The following CDH13 variants were observed in gnomAD, a reference collection of about 807,000 sequenced individuals.
The protein encoded by CDH13 is cadherin 13, also known as cadherin-13.
A neutral mutation model predicts 63.8 loss-of-function variants in CDH13; 24 were observed. That is an observed-to-expected ratio of 0.38 (90% CI 0.27 to 0.53). CDH13 has a LOEUF of 0.53. CDH13 is among the 20% of genes least tolerant of loss of function. The probability of loss-of-function intolerance (pLI) is 0.85; values close to 1 mark genes in which losing one functional copy is unlikely to be tolerated. For synonymous variants in CDH13, 503 were observed against 355.3 expected, an observed-to-expected ratio of 1.42 and a Z score of -4.67; for missense variants, 1,049 against 903.1, an observed-to-expected ratio of 1.16 and a Z score of -2.07.
At chr16:83,721,792 G>A (rs1909728079) in intron 10 of CDH13, 1 of 152,264 alleles carries the variant, frequency 6.6e-6, no homozygotes, top group African/African-American at 2.4e-5. Flanking sequence ...GGGCTAGCAG[G>A]ACTAGCAGGA....
intron 10 of CDH13, among the ~76,000 whole-genome samples, chr16:83,683,404 C>A (rs1240454305): frequency 2.0e-5 from 3 of 152,194 alleles, no homozygotes; most frequent in African/African-American, 7.2e-5. Context: ...AATCCCTTTT[C>A]CACAGCTTGG....
chr16:82,627,418 C>G (rs1451098658), intron 1 of CDH13, among the ~76,000 whole-genome samples: 2 of 147,356 alleles, frequency 1.4e-5, no homozygotes, highest in Admixed American at 6.8e-5. Flanking sequence ...GCTCCCAGTC[C>G]TTTTTTGCTA....
At chr16:83,466,817 A>G (rs1424929683) in intron 6 of CDH13, among the ~76,000 whole-genome samples, 3 of 152,212 alleles carry the variant, frequency 2.0e-5, no homozygotes, top group Non-Finnish European at 2.9e-5. Flanking sequence ...CCTTCACATC[A>G]TGTTAGCCCA....
At chr16:83,767,877 A>G (rs1241590191) in intron 11 of CDH13, among the ~76,000 whole-genome samples, 2 of 152,158 alleles carry the variant, frequency 1.3e-5, no homozygotes, top group African/African-American at 2.4e-5. Context: ...AATTGGCCCA[A>G]GGTTTATTTT....
At chr16:82,717,190 G>T (rs368739698) in intron 1 of CDH13, among the ~76,000 whole-genome samples, 2 of 151,970 alleles carry the variant, frequency 1.3e-5, no homozygotes, top group South Asian at 2.1e-4. Flanking sequence ...GCCCAACAAG[G>T]CTCCTGAACC....
intron 1 of CDH13, chr16:82,825,822 C>G (rs1567573682): frequency 1.3e-5 from 2 of 151,726 alleles, no homozygotes; most frequent in Non-Finnish European, 2.9e-5. Context: ...GCGAGGATTA[C>G]AGGCGCAAGC....
intron 7 of CDH13, among the ~76,000 whole-genome samples, chr16:83,545,691 T>A (rs1002854297): frequency 6.6e-6 from 1 of 152,202 alleles, no homozygotes; most frequent in African/African-American, 2.4e-5. Flanking sequence ...CTCCATACAG[T>A]TCCTCTCCCT....
chr16:82,749,140 G>T (rs2034306490), intron 1 of CDH13, among the ~76,000 whole-genome samples: 2 of 151,980 alleles, frequency 1.3e-5, no homozygotes, highest in Non-Finnish European at 2.9e-5. Context: ...GCCCGACAGA[G>T]CCAAGAAATG....
At chr16:83,653,372 G>A (rs1912570794) in intron 8 of CDH13, among the ~76,000 whole-genome samples, 1 of 152,040 alleles carries the variant, frequency 6.6e-6, no homozygotes, top group Non-Finnish European at 1.5e-5. Context: ...AAGACTATAG[G>A]GGATGTCACC....
At chr16:82,768,184 T>A (rs1367505916) in intron 1 of CDH13, among the ~76,000 whole-genome samples, 1 of 152,174 alleles carries the variant, frequency 6.6e-6, no homozygotes, top group Non-Finnish European at 1.5e-5. Context: ...ATGTGCCTAA[T>A]TTTCTCAACT....
chr16:83,176,847 T>C (rs1363363365), intron 4 of CDH13, among the ~76,000 whole-genome samples: 1 of 152,084 alleles, frequency 6.6e-6, no homozygotes, highest in Non-Finnish European at 1.5e-5. Flanking sequence ...TGAGCCTGGG[T>C]CTTAAGTCTG....
intron 5 of CDH13, among the ~76,000 whole-genome samples, chr16:83,221,874 A>T (rs1171477252): frequency 6.6e-6 from 1 of 152,214 alleles, no homozygotes; most frequent in South Asian, 2.1e-4. Flanking sequence ...TTGAGCATCT[A>T]TTAAGTGCCC....
intron 7 of CDH13, among the ~76,000 whole-genome samples, chr16:83,602,101 C>T (rs77391737): frequency 2.4e-4 from 1 of 4,172 alleles, no homozygotes; most frequent in Non-Finnish European, 3.7e-4. Context: ...AAAAAAAGAA[C>T]AACAACAAAA....
chr16:82,705,654 C>A (rs996850579), intron 1 of CDH13, among the ~76,000 whole-genome samples: 1 of 152,040 alleles, frequency 6.6e-6, no homozygotes, highest in Non-Finnish European at 1.5e-5. Flanking sequence ...TTCTTTCTTG[C>A]CAGTATTTCA....
chr16:83,475,874 C>T (rs992855589), intron 6 of CDH13, among the ~76,000 whole-genome samples: 1 of 152,128 alleles, frequency 6.6e-6, no homozygotes, highest in Non-Finnish European at 1.5e-5. Flanking sequence ...CATGAGCCAC[C>T]ATGCCTGGCC....
intron 7 of CDH13, among the ~76,000 whole-genome samples, chr16:83,519,052 C>T (rs1280993342): frequency 2.6e-5 from 4 of 152,150 alleles, no homozygotes; most frequent in African/African-American, 7.2e-5. Flanking sequence ...TTCTCAGATT[C>T]GCTAAACTTT....
At chr16:82,974,328 C>G (rs62037235) in intron 2 of CDH13, among the ~76,000 whole-genome samples, 18,607 of 152,208 alleles carry the variant, frequency 0.12, 1,547 homozygotes, top group South Asian at 0.19. Flanking sequence ...TCTTCCACAT[C>G]CTTCACTTTT....
At chr16:82,842,346 C>G (rs536423009) in intron 1 of CDH13, among the ~76,000 whole-genome samples, 1 of 151,618 alleles carries the variant, frequency 6.6e-6, no homozygotes, top group African/African-American at 2.4e-5. Flanking sequence ...AGAGACAGTT[C>G]AAGGACTACA....
At chr16:83,561,602 C>G (rs767929291) in intron 7 of CDH13, among the ~76,000 whole-genome samples, 14 of 152,144 alleles carry the variant, frequency 9.2e-5, no homozygotes, top group Non-Finnish European at 1.5e-4. Flanking sequence ...GGTCTAAGCA[C>G]TTTACAGGTT....
Sources: allele counts gnomAD v4.1 joint callset (sites outside exome capture counted in the v4.1 genomes callset), GRCh38; gene constraint gnomAD v4.1.1; transcripts MANE v1.5; gene names NCBI Gene and HGNC (gene_info 2026-07-23, HGNC 2026-07-21).